Variants in AGAP1 observed in about 807,000 individuals in gnomAD.
AGAP1 encodes the protein ArfGAP with GTPase domain, ankyrin repeat and PH domain 1.
Under a neutral mutation model 105.3 loss-of-function variants are expected in AGAP1, and 29 were observed. The observed-to-expected ratio is 0.28, with a 90% confidence interval of 0.21 to 0.38. The LOEUF is 0.38. Among genes scored for constraint, AGAP1 ranks in the 10% least tolerant of loss-of-function variants. The probability of loss-of-function intolerance (pLI) is 1.00; values close to 1 mark genes in which losing one functional copy is unlikely to be tolerated. For missense variants in AGAP1, 998 were observed against 1,165.1 expected, an observed-to-expected ratio of 0.86 and a Z score of 2.09; for synonymous variants, 509 against 485.9, an observed-to-expected ratio of 1.05 and a Z score of -0.63.
In AGAP1 at chr2:236,073,335, G is replaced by T. The variant is rs2058555376; in HGVS notation, c.2114+24054G>T. On this transcript the variant is annotated intron_variant, in intron 16 of 17. Transcript: ENST00000304032. This position sits in a 1 kb window ranked among gnomAD's most constrained non-coding sequence, Gnocchi z 5.4. ...TTCTGAGCCTTTGACACATCAGTAG[G>T]TTATTTCACACAGCACATCTCCATT... is the stretch of plus-strand genomic sequence containing the variant. Among the ~76,000 whole-genome samples the T allele has an allele frequency of 6.6e-6, 1 of 152,074 alleles. No homozygotes were observed. Among genetic ancestry groups the T allele is most frequent in the East Asian group, 1.9e-4 (1 of 5,172 alleles).
chr2:235,685,983 A>T (rs1252131873), intron 1 of AGAP1, among the ~76,000 whole-genome samples: 1 of 152,154 alleles, frequency 6.6e-6, no homozygotes, highest in Non-Finnish European at 1.5e-5. Flanking sequence ...TGAGTTTCTG[A>T]TGAGCCTTTC....
In AGAP1 at chr2:235,631,770, T is replaced by G. The variant is rs1575002476; in HGVS notation, c.164-77409T>G. Among the ~76,000 whole-genome samples the G allele has an allele frequency of 6.6e-6, 1 of 152,132 alleles. No homozygotes were observed. Among genetic ancestry groups the G allele is most frequent in the Non-Finnish European group, 1.5e-5 (1 of 68,010 alleles). On this transcript the variant is annotated intron_variant, in intron 1 of 17. Coordinates refer to ENST00000304032, the MANE Select transcript of AGAP1 (RefSeq NM_001037131.3). The surrounding 1 kb of genome is among the most constrained non-coding windows in gnomAD (Gnocchi z 5.4). Reference sequence around the variant, plus strand: ...TGGAGCTGCCTGTGGCAGGTGGCGGTGCTAATTAAGTTCCGGCTGTTGTGA... The same window carrying G: ...TGGAGCTGCCTGTGGCAGGTGGCGGGGCTAATTAAGTTCCGGCTGTTGTGA...
chr2:235,707,561 G>A (rs1336686549), intron 1 of AGAP1, among the ~76,000 whole-genome samples: 1 of 147,502 alleles, frequency 6.8e-6, no homozygotes, highest in African/African-American at 2.5e-5. Flanking sequence ...GTGTGACCTG[G>A]TGGGACGTGC....
chr2:235,996,291 C>A (rs1202287791), intron 13 of AGAP1, among the ~76,000 whole-genome samples: 2 of 152,200 alleles, frequency 1.3e-5, no homozygotes, highest in African/African-American at 2.4e-5. Flanking sequence ...CGTCCACTGC[C>A]CACCTCTCCA....
intron 1 of AGAP1, among the ~76,000 whole-genome samples, chr2:235,515,606 C>T (rs544606775): frequency 2.6e-5 from 4 of 152,232 alleles, no homozygotes; most frequent in Admixed American, 6.5e-5. Context: ...TTCAGTGTTT[C>T]CTTGTAATTT....
In AGAP1 at chr2:235,943,716, G is replaced by A. The variant is rs182933634; in HGVS notation, c.1483+12793G>A. On this transcript the variant is annotated intron_variant, in intron 12 of 17. Transcript: ENST00000304032. ...GAAGAAATGAGTGTTGGAGAAGAGT[G>A]GTGTTTAAAATGAACAAGTTGTTAC... is the stretch of plus-strand genomic sequence containing the variant. Among the ~76,000 whole-genome samples the A allele has an allele frequency of 2.6e-5, 4 of 152,224 alleles. No individual in the cohort carries two copies. The East Asian group carries it at 7.7e-4, about 29-fold the overall frequency.
At chr2:235,915,474 A>G (rs1464410517) in intron 11 of AGAP1, among the ~76,000 whole-genome samples, 2 of 59,054 alleles carry the variant, frequency 3.4e-5, no homozygotes, top group African/African-American at 1.1e-4. Context: ...CAAGAGTTCA[A>G]GACCGATTAA....
rs2050417227 is a variant in AGAP1, at chr2:235,889,351, G to A, written c.1155+5902G>A. On this transcript the variant is annotated intron_variant, in intron 10 of 17. Transcript: ENST00000304032. This position sits in a 1 kb window ranked among gnomAD's most constrained non-coding sequence, Gnocchi z 4.6. ...GCTGAAAATGTACCTAGAATGGGTC[G>A]GCTGCCTGGGAACCTCACGAATACT... Among the ~76,000 whole-genome samples, 1 of 152,138 alleles carries A rather than the reference G, an allele frequency of 6.6e-6. No homozygotes were observed. Among genetic ancestry groups the A allele is most frequent in the African/African-American group, 2.4e-5 (1 of 41,494 alleles).
At chr2:235,826,074 C>T (rs528852714) in intron 9 of AGAP1, among the ~76,000 whole-genome samples, 38 of 152,200 alleles carry the variant, frequency 2.5e-4, no homozygotes, top group African/African-American at 3.6e-4. Context: ...AGGAGGTGTG[C>T]GAAACCATGC....
At chr2:235,937,814 G>A (rs970994266) in intron 12 of AGAP1, among the ~76,000 whole-genome samples, 1 of 152,226 alleles carries the variant, frequency 6.6e-6, no homozygotes, top group South Asian at 2.1e-4. Flanking sequence ...GTGCTGCTGA[G>A]TGTGCCACGG....
At chr2:235,954,969 G>A (rs946338339) in intron 12 of AGAP1, among the ~76,000 whole-genome samples, 1 of 152,182 alleles carries the variant, frequency 6.6e-6, no homozygotes, top group African/African-American at 2.4e-5. Context: ...CCTTGGTTTG[G>A]CGTGGAGGGT....
At chr2:235,885,965 C>T (rs755448235) in intron 10 of AGAP1, among the ~76,000 whole-genome samples, 2 of 152,194 alleles carry the variant, frequency 1.3e-5, no homozygotes, top group East Asian at 1.9e-4. Flanking sequence ...GCCTTCAGAT[C>T]GAAGAGATGT....
intron 10 of AGAP1, among the ~76,000 whole-genome samples, chr2:235,886,606 C>T (rs1428945845): frequency 5.3e-5 from 8 of 152,250 alleles, no homozygotes; most frequent in South Asian, 2.1e-4. Context: ...GGAAGAGGGG[C>T]GCAATGGGGC....
chr2:235,987,304 T>C (rs1291460945), intron 13 of AGAP1, among the ~76,000 whole-genome samples: 1 of 152,054 alleles, frequency 6.6e-6, no homozygotes, highest in Non-Finnish European at 1.5e-5. Context: ...ATTTATAGTA[T>C]TCTCTGATGG....
At chr2:235,648,366 C>T (rs1366113897) in intron 1 of AGAP1, among the ~76,000 whole-genome samples, 1 of 152,200 alleles carries the variant, frequency 6.6e-6, no homozygotes, top group South Asian at 2.1e-4. Flanking sequence ...TTGCATTCTC[C>T]CTTCATCAGT....
chr2:235,613,893 C>G (rs1946222354), intron 1 of AGAP1, among the ~76,000 whole-genome samples: 1 of 152,150 alleles, frequency 6.6e-6, no homozygotes, highest in South Asian at 2.1e-4. Context: ...CGCAGGGTGG[C>G]CTTGTCCATC....
intron 16 of AGAP1, among the ~76,000 whole-genome samples, chr2:236,075,798 T>C (rs2058621557): frequency 6.6e-6 from 1 of 152,216 alleles, no homozygotes; most frequent in African/African-American, 2.4e-5. Flanking sequence ...CCCAGTGTCA[T>C]CAAGATGCCG....
rs145271037 is a variant in AGAP1 at position 235,934,963 on chromosome 2, G to T, written c.1483+4040G>T. Among the ~76,000 whole-genome samples, 30 of 152,202 alleles carry T rather than the reference G, an allele frequency of 2.0e-4. 1 individual carries two copies. The East Asian group carries it at 5.6e-3, about 28-fold the overall frequency. ...CAAAGTCTCCTCTCTAGACACACCG[G>T]TCCCCCCGGGGTTTCTTCCTTTAAA... On this transcript the variant is annotated intron_variant, in intron 12 of 17. Transcript: ENST00000304032. The surrounding 1 kb of genome is among the most constrained non-coding windows in gnomAD (Gnocchi z 4.9).
rs1038393758 is a variant in AGAP1 at position 236,119,576 on chromosome 2, C to T, written c.2115-616C>T. Among the ~76,000 whole-genome samples the T allele has an allele frequency of 6.9e-6, 1 of 145,426 alleles. No individual in the cohort carries two copies. The highest frequency in any genetic ancestry group is 2.5e-5 in the African/African-American group (1 of 39,948). On this transcript the variant is annotated intron_variant, in intron 16 of 17. Transcript: ENST00000304032. This position sits in a 1 kb window ranked among gnomAD's most constrained non-coding sequence, Gnocchi z 6.6. ...TGGGGAGCGCACCGGCTGTCCCTTC[C>T]CCCCACCCCCGGCCCAGCTCCAGCC...
Sources: gnomAD v4.1 joint callset for allele counts (sites outside exome capture counted in the v4.1 genomes callset) on GRCh38, gnomAD v4.1.1 for gene constraint, Gnocchi (gnomAD v3.1) non-coding constraint, MANE v1.5 for transcripts, NCBI Gene and HGNC (gene_info 2026-07-23, HGNC 2026-07-21) for gene names.